The following TENT4B variants were observed in gnomAD, a reference collection of about 807,000 sequenced individuals.
TENT4B encodes PAP associated domain containing 5.
A neutral mutation model predicts 75.0 loss-of-function variants in TENT4B; 10 were observed. The ratio of observed to expected loss-of-function variants is 0.13; its 90% CI spans 0.08 to 0.23. TENT4B has a LOEUF of 0.23. Among genes scored for constraint, TENT4B ranks in the 10% least tolerant of loss-of-function variants. The pLI is 1.00. For missense variants in TENT4B, 579 were observed against 893.8 expected, an observed-to-expected ratio of 0.65 and a Z score of 4.49; for synonymous variants, 350 against 357.7, an observed-to-expected ratio of 0.98 and a Z score of 0.24.
intron 1 of TENT4B, among the ~76,000 whole-genome samples, chr16:50,195,751 A>G (rs1207386313): frequency 6.6e-6 from 1 of 152,258 alleles, no homozygotes; most frequent in Non-Finnish European, 1.5e-5. Context: ...CTTCCAAAAG[A>G]CATGTAAATG....
intron 1 of TENT4B, among the ~76,000 whole-genome samples, chr16:50,173,248 CT>C (rs1033493883): frequency 6.6e-6 from 1 of 151,664 alleles, no homozygotes; most frequent in Non-Finnish European, 1.5e-5. Flanking sequence ...CCTGCCAGCT[CT>C]TTTTTTTGTA....
chr16:50,183,452 C>G (rs914501204), intron 1 of TENT4B, among the ~76,000 whole-genome samples: 19 of 150,270 alleles, frequency 1.3e-4, no homozygotes, highest in African/African-American at 4.6e-4. Context: ...GTTGTGTTGT[C>G]ATACTTTGAA....
chr16:50,231,146 A>G lies in TENT4B; in HGVS notation c.*1818A>G. ...ATGTGTTCCAAAACTGGAAACTCAT[A>G]GTACTCGTGTAAACTGTGGAAGATT... On this transcript the variant is annotated 3_prime_UTR_variant, in exon 12 of 12. Coordinates refer to ENST00000561678, the MANE Select transcript of TENT4B (RefSeq NM_001365324.3). The G allele has an allele frequency of 1.0e-6, 1 of 985,590 alleles. No homozygotes were observed. The highest frequency in any genetic ancestry group is 1.2e-6 in the Non-Finnish European group (1 of 829,682). 61.1% of individuals were successfully genotyped at this position (985,590 alleles called of 1,614,324 possible). A position where few individuals can be genotyped will look rare whatever the true frequency, so the allele number is the denominator to read the frequency against.
chr16:50,213,363 C>CT lies in TENT4B; in HGVS notation c.763-851dup, dbSNP rs548754960. ...CGTGAGCCACTGTGCCCGGCCTATC[C>CT]TTTTTTTATTACAATTACCTGCATA... On this transcript the variant is annotated intron_variant, in intron 2 of 11. Coordinates refer to ENST00000561678, the MANE Select transcript of TENT4B (RefSeq NM_001365324.3). Among the ~76,000 whole-genome samples the CT allele has an allele frequency of 4.6e-5, 7 of 152,206 alleles. No individual in the cohort carries two copies. In the South Asian group the frequency reaches 1.0e-3, roughly 23 times the overall value.
At chr16:50,188,742 C>CT (rs1387227653) in intron 1 of TENT4B, among the ~76,000 whole-genome samples, 1 of 152,140 alleles carries the variant, frequency 6.6e-6, no homozygotes, top group Non-Finnish European at 1.5e-5. Context: ...TTCCCAGCTA[C>CT]TAGGGAGGCT....
At chr16:50,159,518 G>T (rs143539257) in intron 1 of TENT4B, among the ~76,000 whole-genome samples, 9 of 152,172 alleles carry the variant, frequency 5.9e-5, no homozygotes, top group Non-Finnish European at 1.0e-4. Context: ...GGGATTACAG[G>T]CATGAGCCAC....
Position 50,229,895 on chromosome 16 carries a change from T to C in TENT4B, c.*567T>C, listed in dbSNP as rs2032221352. 1.1e-6 allele frequency: 1 copy of C among 917,762 alleles called. No individual in the cohort carries two copies. Among genetic ancestry groups the C allele is most frequent in the Admixed American group, 6.2e-5 (1 of 16,164 alleles). 56.9% of individuals were successfully genotyped at this position (917,762 alleles called of 1,614,324 possible). A position where few individuals can be genotyped will look rare whatever the true frequency, so the allele number is the denominator to read the frequency against. ...GGATTTGTTAATAATACTTTTTACA[T>C]AACATTACTGTTTAAATTGTAAACA... On this transcript the variant is annotated 3_prime_UTR_variant, in exon 12 of 12. Transcript: ENST00000561678.
chr16:50,173,631 C>CTTTG (rs1312697005), intron 1 of TENT4B, among the ~76,000 whole-genome samples: 3 of 152,172 alleles, frequency 2.0e-5, no homozygotes, highest in Non-Finnish European at 4.4e-5. Context: ...TCTTGTCTTA[C>CTTTG]TTTGCAGTTC....
At chr16:50,165,888 T>C (rs956689003) in intron 1 of TENT4B, among the ~76,000 whole-genome samples, 1 of 152,242 alleles carries the variant, frequency 6.6e-6, no homozygotes, top group Non-Finnish European at 1.5e-5. Context: ...TAGACGTTCA[T>C]GTACAAGTTT....
rs2032366150 is a variant in TENT4B, at chr16:50,233,705, T to A, written c.*4377T>A. 2.0e-6 allele frequency: 2 copies of A among 984,908 alleles called. No individual in the cohort carries two copies. Among genetic ancestry groups the A allele is most frequent in the African/African-American group, 3.5e-5 (2 of 57,208 alleles). 61.0% of individuals were successfully genotyped at this position (984,908 alleles called of 1,614,324 possible). On this transcript the variant is annotated 3_prime_UTR_variant, in exon 12 of 12. Coordinates refer to ENST00000561678, the MANE Select transcript of TENT4B (RefSeq NM_001365324.3). Reference sequence around the variant, plus strand: ...TTTTGGTTTTTTTAAAAAAAATGTGTTTGGCCTTTACATTTTCTACTTAAG... The same window carrying A: ...TTTTGGTTTTTTTAAAAAAAATGTGATTGGCCTTTACATTTTCTACTTAAG...
intron 1 of TENT4B, among the ~76,000 whole-genome samples, chr16:50,207,649 A>T (rs1379094142): frequency 1.3e-5 from 2 of 152,208 alleles, no homozygotes; most frequent in Admixed American, 6.5e-5. Context: ...AACAATGGGC[A>T]TGTGTCATCC....
intron 7 of TENT4B, among the ~76,000 whole-genome samples, chr16:50,224,184 C>T (rs2031945909): frequency 6.6e-6 from 1 of 152,124 alleles, no homozygotes; most frequent in Admixed American, 6.5e-5. Context: ...ATTGAGGAAA[C>T]ATTACATTGA....
chr16:50,216,853 TC>T (rs1469433357), intron 4 of TENT4B, among the ~76,000 whole-genome samples: 1 of 152,172 alleles, frequency 6.6e-6, no homozygotes, highest in African/African-American at 2.4e-5. Flanking sequence ...AGATAGGGTC[TC>T]CCTGTGTTGC....
At chr16:50,167,769 T>C (rs2150677551) in intron 1 of TENT4B, among the ~76,000 whole-genome samples, 1 of 152,164 alleles carries the variant, frequency 6.6e-6, no homozygotes, top group African/African-American at 2.4e-5. Context: ...GCAATTCTCA[T>C]GCTTCAGCAC....
intron 1 of TENT4B, among the ~76,000 whole-genome samples, chr16:50,195,881 C>T (rs1433931239): frequency 6.6e-6 from 1 of 152,126 alleles, no homozygotes; most frequent in Non-Finnish European, 1.5e-5. Flanking sequence ...AAGATAACTT[C>T]AGTGGGAGGC....
intron 1 of TENT4B, among the ~76,000 whole-genome samples, chr16:50,154,591 T>C (rs1281355903): frequency 6.8e-6 from 1 of 146,658 alleles, no homozygotes; most frequent in African/African-American, 2.6e-5. Context: ...ACATCTACCC[T>C]TGACCACCAC....
At chr16:50,222,577 G>T in intron 6 of TENT4B, 143 bp downstream of exon 6, 1 of 835,864 alleles carries the variant, frequency 1.2e-6, no homozygotes, top group Non-Finnish European at 1.8e-6. Flanking sequence ...CTTTAAACTG[G>T]GTACATTTTA....
Position 50,234,689 on chromosome 16 carries a change from T to C in TENT4B, c.*5361T>C. On this transcript the variant is annotated 3_prime_UTR_variant, in exon 12 of 12. Coordinates refer to ENST00000561678, the MANE Select transcript of TENT4B (RefSeq NM_001365324.3). ...ATCCTAAAATAAATCACAAGCTTGTTTGTTAGACGTGTCAAGAGTCTCCAG... is the reference window on the plus strand; with the variant it reads ...ATCCTAAAATAAATCACAAGCTTGTCTGTTAGACGTGTCAAGAGTCTCCAG... 3 of 985,448 alleles carry C rather than the reference T, an allele frequency of 3.0e-6. No individual in the cohort carries two copies. The highest frequency in any genetic ancestry group is 3.6e-6 in the Non-Finnish European group (3 of 829,924). 61.0% of individuals were successfully genotyped at this position (985,448 alleles called of 1,614,324 possible). A position where few individuals can be genotyped will look rare whatever the true frequency, so the allele number is the denominator to read the frequency against.
intron 3 of TENT4B, among the ~76,000 whole-genome samples, chr16:50,215,543 T>C (rs2031507390): frequency 6.6e-6 from 1 of 152,216 alleles, no homozygotes; most frequent in Non-Finnish European, 1.5e-5. Context: ...CAGGGAAAAG[T>C]CTCAGTCCCA....
Sources: allele counts gnomAD v4.1 joint callset (sites outside exome capture counted in the v4.1 genomes callset), GRCh38; gene constraint gnomAD v4.1.1; transcripts MANE v1.5; gene names NCBI Gene and HGNC (gene_info 2026-07-23, HGNC 2026-07-21).